Variants in RGS6 observed in about 807,000 individuals in gnomAD.
RGS6 encodes regulator of G-protein signaling 6.
In RGS6, 30 loss-of-function variants were observed where a neutral mutation model predicts 78.5. The ratio of observed to expected loss-of-function variants is 0.38; its 90% confidence interval spans 0.29 to 0.52. The LOEUF (loss-of-function observed/expected upper bound fraction) is 0.52, where lower values mean the gene tolerates loss of function less well. Ranked by LOEUF, RGS6 falls within the 20% of genes least tolerant of loss-of-function variation. RGS6 has a pLI of 0.85. For synonymous variants in RGS6, 206 were observed against 206.0 expected (o/e 1.00, Z 0.00); for missense variants, 495 against 609.7 (o/e 0.81, Z 1.98).
At chr14:71,944,872 C>T (rs982143492) in intron 1 of RGS6, among the ~76,000 whole-genome samples, 13 of 152,048 alleles carry the variant, frequency 8.5e-5, no homozygotes, top group Non-Finnish European at 1.0e-4. Context: ...TACACCTAGG[C>T]CATGTGGTAT....
chr14:72,540,079 G>T lies in RGS6; in HGVS notation c.1407G>T (p.Lys469Asn). The T allele has an allele frequency of 6.3e-7, 1 of 1,587,828 alleles. No homozygotes were observed. The highest frequency in any genetic ancestry group is 1.4e-5 in the African/African-American group (1 of 73,376). The stretch of plus-strand genomic sequence containing the variant: ...AAGGTCGTAGAACTTCCCTAGAAAA[G>T]TTCACTCGCAGTGTGGTAAGTTCAG... ...SEQGRRTSLE[K>N]FTRSVGKSLA... The change falls in exon 17 of 18, where the codon AAG becomes AAT. Residue 469 changes from lysine (K) to asparagine (N), a missense_variant. Transcript: ENST00000553525.
intron 2 of RGS6, among the ~76,000 whole-genome samples, chr14:72,265,571 C>A (rs1004569062): frequency 6.6e-6 from 1 of 152,158 alleles, no homozygotes; most frequent in Non-Finnish European, 1.5e-5. Context: ...CAACCACCCC[C>A]TTCCCATTAA....
chr14:72,221,615 T>C (rs966551176), intron 2 of RGS6, among the ~76,000 whole-genome samples: 6 of 152,198 alleles, frequency 3.9e-5, no homozygotes, highest in Admixed American at 6.5e-5. Context: ...ACTTTTTTTT[T>C]CTGTAATTAA....
chr14:72,203,255 T>C (rs1346994369), intron 2 of RGS6, among the ~76,000 whole-genome samples: 1 of 152,246 alleles, frequency 6.6e-6, no homozygotes, highest in Non-Finnish European at 1.5e-5. Flanking sequence ...ATCATGTATA[T>C]AGGCACAAAT....
intron 12 of RGS6, among the ~76,000 whole-genome samples, chr14:72,485,529 C>T (rs1257122554): frequency 6.6e-6 from 1 of 152,188 alleles, no homozygotes; most frequent in Non-Finnish European, 1.5e-5. Context: ...CTGTACACTA[C>T]CAGGAAGCAC....
At chr14:72,152,540 C>T (rs887426928) in intron 2 of RGS6, among the ~76,000 whole-genome samples, 2 of 152,156 alleles carry the variant, frequency 1.3e-5, no homozygotes, top group African/African-American at 4.8e-5. Flanking sequence ...GGGGCTGTGG[C>T]TGACATACAG....
At chr14:72,299,752 T>C (rs894050386) in intron 2 of RGS6, among the ~76,000 whole-genome samples, 1 of 152,228 alleles carries the variant, frequency 6.6e-6, no homozygotes, top group Non-Finnish European at 1.5e-5. Context: ...CATCTTCCCA[T>C]GTGCTTGATG....
At chr14:71,982,375 C>T (rs548436343) in intron 2 of RGS6, among the ~76,000 whole-genome samples, 10 of 152,300 alleles carry the variant, frequency 6.6e-5, no homozygotes, top group Admixed American at 2.6e-4. Flanking sequence ...ACATCATTTA[C>T]GGCTCTAGGA....
chr14:71,913,851 T>G, the RGS6 span, among the ~76,000 whole-genome samples: 1 of 152,236 alleles, frequency 6.6e-6, no homozygotes, highest in African/African-American at 2.4e-5. Flanking sequence ...TTTAAAAGGC[T>G]TTTAGTCATG....
chr14:72,458,363 T>A lies in RGS6; in HGVS notation c.328T>A (p.Phe110Ile), dbSNP rs765073499. 6.2e-7 allele frequency: 1 copy of A among 1,613,190 alleles called. No individual in the cohort carries two copies. Among genetic ancestry groups the A allele is most frequent in the Admixed American group, 1.7e-5 (1 of 59,976 alleles). The change falls in exon 5 of 18, where the codon TTT becomes ATT. Residue 110 changes from phenylalanine (F) to isoleucine (I), a missense_variant. By Grantham distance (21) the Phe-to-Ile change is conservative. Coordinates refer to ENST00000553525, the MANE Select transcript of RGS6 (RefSeq NM_001204424.2). ...TCTCACCATGAAGGATGATGGCACC[T>A]TTTATCGTTTCCAGGTAAGCCTGCT... The part of the protein sequence containing the change: ...HVLTMKDDGT[F>I]YRFQAPYFWP...
intron 12 of RGS6, among the ~76,000 whole-genome samples, chr14:72,492,567 G>T (rs566745892): frequency 1.3e-5 from 2 of 152,334 alleles, no homozygotes; most frequent in African/African-American, 4.8e-5. Context: ...GGGAGAAAAA[G>T]GGATGGGAGA....
intron 12 of RGS6, among the ~76,000 whole-genome samples, chr14:72,492,579 G>C (rs779254477): frequency 1.3e-5 from 2 of 152,172 alleles, no homozygotes; most frequent in African/African-American, 4.8e-5. Flanking sequence ...GATGGGAGAC[G>C]GGGGCAGGAG....
chr14:72,206,029 T>A (rs2042625422), intron 2 of RGS6, among the ~76,000 whole-genome samples: 1 of 152,248 alleles, frequency 6.6e-6, no homozygotes, highest in Non-Finnish European at 1.5e-5. Context: ...TCTTAAATCA[T>A]TCTTGCACAT....
intron 2 of RGS6, among the ~76,000 whole-genome samples, chr14:72,169,019 C>G (rs1340663952): frequency 1.3e-5 from 2 of 152,240 alleles, no homozygotes; most frequent in Non-Finnish European, 2.9e-5. Context: ...CCCACTGCCA[C>G]TGCCACCACC....
intron 1 of RGS6, among the ~76,000 whole-genome samples, chr14:71,944,987 G>A (rs1335510149): frequency 6.6e-6 from 1 of 152,152 alleles, no homozygotes; most frequent in Non-Finnish European, 1.5e-5. Flanking sequence ...ACATGGAAAA[G>A]ATACAGTAAC....
intron 2 of RGS6, among the ~76,000 whole-genome samples, chr14:72,067,481 TA>T (rs905111146): frequency 1.1e-4 from 16 of 152,084 alleles, no homozygotes; most frequent in African/African-American, 3.9e-4. Context: ...AAGTAAAATT[TA>T]AAAAAAGATT....
chr14:72,317,227 A>G (rs1271234545), intron 2 of RGS6, among the ~76,000 whole-genome samples: 2 of 152,100 alleles, frequency 1.3e-5, no homozygotes, highest in Non-Finnish European at 1.5e-5. Context: ...GTAAGCACTC[A>G]GTGGTATTGC....
In RGS6 at chr14:72,562,660, G is replaced by A; in HGVS notation, c.*193G>A. On this transcript the variant is annotated 3_prime_UTR_variant, in exon 18 of 18. Transcript: ENST00000553525. ...AGACCAGAAAGAAAGAGTCCACAGA[G>A]CCTGGGCTGGGCCCGGTGGAGGCTC... The A allele has an allele frequency of 3.1e-5, 48 of 1,536,142 alleles. No homozygotes were observed. The South Asian group carries it at 5.4e-4, about 17-fold the overall frequency.
At chr14:72,089,452 C>T (rs2095184352) in intron 2 of RGS6, among the ~76,000 whole-genome samples, 1 of 152,192 alleles carries the variant, frequency 6.6e-6, no homozygotes, top group Admixed American at 6.5e-5. Flanking sequence ...CTTTCCTGTA[C>T]ATTGTGTATT....
Sources: gnomAD v4.1 joint callset for allele counts (sites outside exome capture counted in the v4.1 genomes callset) on GRCh38, gnomAD v4.1.1 for gene constraint, MANE v1.5 for transcripts, NCBI Gene and HGNC (gene_info 2026-07-23, HGNC 2026-07-21) for gene names.